The following DLGAP4 variants were observed in gnomAD, a reference collection of about 807,000 sequenced individuals.
DLGAP4 encodes disks large-associated protein 4.
Under a neutral mutation model 86.9 loss-of-function variants are expected in DLGAP4, and 18 were observed. The observed-to-expected ratio is 0.21, with a 90% CI of 0.14 to 0.31. The LOEUF (loss-of-function observed/expected upper bound fraction) is 0.31. Ranked by LOEUF, DLGAP4 falls within the 10% of genes least tolerant of loss-of-function variation. The probability of loss-of-function intolerance (pLI) is 1.00; values close to 1 mark genes in which losing one functional copy is unlikely to be tolerated. For missense variants in DLGAP4, 1,085 were observed against 1,362.6 expected (o/e 0.80, Z 3.21); for synonymous variants, 548 against 574.3 (o/e 0.95, Z 0.65).
At position 36,499,622 on chromosome 20, in the gene DLGAP4, C is replaced by T. The variant is rs2036046341; in HGVS notation, c.2045C>T (p.Pro682Leu). 6.2e-7 allele frequency: 1 copy of T among 1,614,036 alleles called. No homozygotes were observed. The highest frequency in any genetic ancestry group is 8.5e-7 in the Non-Finnish European group (1 of 1,179,984). Reference protein sequence around the residue: ...DCIQPVPKEEPSPATKFQSIG... With the variant: ...DCIQPVPKEELSPATKFQSIG... ...ATTCAGCCAGTGCCAAAAGAGGAGC[C>T]CAGTCCCGCTACCAAATTCCAGTCC... The change falls in exon 9 of 13, where the codon CCC becomes CTC. Residue 682 changes from proline to leucine, a missense_variant. Around this residue, in one of 2 missense-constraint regions of DLGAP4, gnomAD observed 1,082 missense variants for 1,344.1 expected, o/e 0.81. Coordinates refer to ENST00000339266, the MANE Select transcript of DLGAP4 (RefSeq NM_001365621.2).
intron 7 of DLGAP4, among the ~76,000 whole-genome samples, chr20:36,468,816 G>A (rs1259813015): frequency 1.3e-5 from 2 of 152,186 alleles, no homozygotes; most frequent in Non-Finnish European, 1.5e-5. Flanking sequence ...AATGCTATTT[G>A]GACTTTGGAA....
chr20:36,512,365 C>T (rs972412184), intron 10 of DLGAP4, among the ~76,000 whole-genome samples: 11 of 152,006 alleles, frequency 7.2e-5, no homozygotes, highest in Non-Finnish European at 1.6e-4. Flanking sequence ...TCTCTCTGAT[C>T]TTATTGATAT....
At chr20:36,491,671 A>C (rs1008117380) in intron 7 of DLGAP4, among the ~76,000 whole-genome samples, 1 of 152,062 alleles carries the variant, frequency 6.6e-6, no homozygotes, top group Non-Finnish European at 1.5e-5. Flanking sequence ...GCATGAGATG[A>C]AGCTGCTGAG....
At chr20:36,469,879 T>C (rs911787890) in intron 7 of DLGAP4, among the ~76,000 whole-genome samples, 3 of 152,162 alleles carry the variant, frequency 2.0e-5, no homozygotes, top group African/African-American at 7.2e-5. Context: ...GCCCAAGGGC[T>C]GCTTTACCTA....
intron 2 of DLGAP4, among the ~76,000 whole-genome samples, chr20:36,369,639 T>A (rs551033677): frequency 1.3e-5 from 2 of 152,184 alleles, no homozygotes. Context: ...ATTGCCTTGG[T>A]GGAGAAAAGA....
At chr20:36,467,151 C>T (rs2034452065) in intron 7 of DLGAP4, among the ~76,000 whole-genome samples, 2 of 151,670 alleles carry the variant, frequency 1.3e-5, no homozygotes, top group African/African-American at 4.9e-5. Flanking sequence ...GCGTCTCTGC[C>T]CTGAGGAACT....
At chr20:36,461,713 T>G in intron 7 of DLGAP4, 2 of 718,952 alleles carry the variant, frequency 2.8e-6, no homozygotes, top group Non-Finnish European at 3.1e-6. Context: ...CTCCTCCTCC[T>G]CCTCCTCCTC....
intron 2 of DLGAP4, among the ~76,000 whole-genome samples, chr20:36,422,722 G>A (rs1357525412): frequency 1.3e-5 from 2 of 152,198 alleles, no homozygotes; most frequent in East Asian, 1.9e-4. Context: ...ACTCTGGCAT[G>A]TGGGGGTGGC....
intron 7 of DLGAP4, among the ~76,000 whole-genome samples, chr20:36,471,944 C>T (rs2034684274): frequency 6.6e-6 from 1 of 152,188 alleles, no homozygotes; most frequent in Non-Finnish European, 1.5e-5. Context: ...GGAATTTGCT[C>T]TGCCCTAGGT....
chr20:36,503,180 TTCTTTTTCTTTTC>T (rs1265519826), intron 10 of DLGAP4, among the ~76,000 whole-genome samples: 1 of 152,218 alleles, frequency 6.6e-6, no homozygotes, highest in East Asian at 1.9e-4. Context: ...CTCGAAGGTT[TTCTTTTTCTTTTC>T]TCTTTTTCTT....
rs181972474 is a variant in DLGAP4, at chr20:36,452,298, C to T, written c.1648+5361C>T. On this transcript the variant is annotated intron_variant, in intron 7 of 12. Coordinates refer to ENST00000339266, the MANE Select transcript of DLGAP4 (RefSeq NM_001365621.2). ...GGCTCAAGCGATCCTCCTGCCTCAG[C>T]CTCCCGAGTAGCTGAGACCAGAGTC... Among the ~76,000 whole-genome samples the T allele has an allele frequency of 8.1e-4, 124 of 152,266 alleles. 1 individual carries two copies. Among genetic ancestry groups the T allele is most frequent in the Non-Finnish European group, 1.4e-3 (95 of 68,016 alleles).
chr20:36,339,939 C>A (rs573150904), intron 1 of DLGAP4, among the ~76,000 whole-genome samples: 1 of 152,304 alleles, frequency 6.6e-6, no homozygotes, highest in African/African-American at 2.4e-5. Context: ...GAGGTGCATG[C>A]TGGACAGGCA....
At chr20:36,321,733 G>T (rs1373056916) in intron 1 of DLGAP4, among the ~76,000 whole-genome samples, 1 of 152,216 alleles carries the variant, frequency 6.6e-6, no homozygotes, top group Non-Finnish European at 1.5e-5. Flanking sequence ...GAGGGGGAAA[G>T]GTGGGGGTCC....
rs1600454080 is a variant in DLGAP4 at position 36,377,290 on chromosome 20, T to C, written c.-73+10015T>C. On this transcript the variant is annotated intron_variant, in intron 2 of 12. Coordinates refer to ENST00000339266, the MANE Select transcript of DLGAP4 (RefSeq NM_001365621.2). ...CTGCACCATAGCTTGGCAGAGAGTC[T>C]GTAGAGGATTTGTGATTCAGCTGAT... 2.0e-5 allele frequency among the ~76,000 whole-genome samples: 3 copies of C among 152,296 alleles called. No individual in the cohort carries two copies. In the South Asian group the frequency reaches 6.2e-4, roughly 32 times the overall value.
chr20:36,450,018 G>T (rs2033694679), intron 7 of DLGAP4, among the ~76,000 whole-genome samples: 1 of 152,240 alleles, frequency 6.6e-6, no homozygotes, highest in African/African-American at 2.4e-5. Context: ...GAAGACAGAA[G>T]AGCAAGCCTA....
intron 2 of DLGAP4, among the ~76,000 whole-genome samples, chr20:36,420,050 A>G (rs1415365976): frequency 6.6e-6 from 1 of 152,204 alleles, no homozygotes; most frequent in Non-Finnish European, 1.5e-5. Context: ...TAAGCACTCA[A>G]TAAAGGATCA....
chr20:36,318,157 C>G (rs1028155859), intron 1 of DLGAP4, among the ~76,000 whole-genome samples: 16 of 128,750 alleles, frequency 1.2e-4, no homozygotes, highest in African/African-American at 3.4e-4. Flanking sequence ...CACACACACA[C>G]AGTCTACTCC....
intron 2 of DLGAP4, among the ~76,000 whole-genome samples, chr20:36,390,752 C>T (rs1181509722): frequency 6.6e-6 from 1 of 152,148 alleles, no homozygotes; most frequent in Non-Finnish European, 1.5e-5. Context: ...ATCCTGGATA[C>T]ACACTGAGCC....
intron 7 of DLGAP4, among the ~76,000 whole-genome samples, chr20:36,482,712 T>C (rs2035243221): frequency 6.6e-6 from 1 of 152,154 alleles, no homozygotes; most frequent in African/African-American, 2.4e-5. Flanking sequence ...AACTCTGTTG[T>C]CCAGGCTGGA....
Sources: allele counts gnomAD v4.1 joint callset (sites outside exome capture counted in the v4.1 genomes callset), GRCh38; gene constraint gnomAD v4.1.1; regional missense constraint gnomAD v4.1.1; transcripts MANE v1.5; gene names NCBI Gene and HGNC (gene_info 2026-07-23, HGNC 2026-07-21).